ERC2: variants seen among roughly 807,000 people sequenced by gnomAD.
ERC2 encodes the protein ERC protein 2.
ERC2 carries 42 observed loss-of-function variants against 114.8 expected under a neutral mutation model. That is an observed-to-expected ratio of 0.37 (90% CI 0.29 to 0.47). The LOEUF (loss-of-function observed/expected upper bound fraction) is 0.47, where lower values mean the gene tolerates loss of function less well. Ranked by LOEUF, ERC2 falls within the 20% of genes least tolerant of loss-of-function variation. The pLI is 0.99. For synonymous variants in ERC2, 454 were observed against 425.5 expected (o/e 1.07, Z -0.82); for missense variants, 939 against 1,150.7 (o/e 0.82, Z 2.66).
At chr3:56,153,383 A>C (rs971624545) in intron 4 of ERC2, among the ~76,000 whole-genome samples, 13 of 152,170 alleles carry the variant, frequency 8.5e-5, no homozygotes, top group African/African-American at 3.1e-4. Flanking sequence ...ACTCAGAACT[A>C]TTGAATCCAA....
chr3:55,910,964 G>A (rs1451615400), intron 13 of ERC2, among the ~76,000 whole-genome samples: 1 of 152,200 alleles, frequency 6.6e-6, no homozygotes, highest in East Asian at 1.9e-4. Context: ...TGCCAGGGAT[G>A]AGGGATGCAA....
At chr3:56,440,232 T>A (rs956701389) in intron 1 of ERC2, among the ~76,000 whole-genome samples, 1 of 152,196 alleles carries the variant, frequency 6.6e-6, no homozygotes, top group Non-Finnish European at 1.5e-5. Context: ...CCTGAAATGT[T>A]TCGTAGAACA....
intron 17 of ERC2, among the ~76,000 whole-genome samples, chr3:55,584,923 A>G (rs1032086150): frequency 6.6e-6 from 1 of 152,222 alleles, no homozygotes; most frequent in Non-Finnish European, 1.5e-5. Context: ...CTCAGAGTCA[A>G]TGGACAACGA....
At chr3:55,874,019 T>C (rs545285877) in intron 14 of ERC2, among the ~76,000 whole-genome samples, 1 of 152,226 alleles carries the variant, frequency 6.6e-6, no homozygotes, top group Non-Finnish European at 1.5e-5. Flanking sequence ...AGTCAGTGAC[T>C]AAACAAATGA....
intron 2 of ERC2, among the ~76,000 whole-genome samples, chr3:56,407,290 C>T (rs2060766656): frequency 6.6e-6 from 1 of 152,110 alleles, no homozygotes; most frequent in Non-Finnish European, 1.5e-5. Flanking sequence ...AGGAGGGAGG[C>T]CCCAGACTTC....
At chr3:55,660,190 T>C (rs750475594) in intron 17 of ERC2, among the ~76,000 whole-genome samples, 2 of 152,186 alleles carry the variant, frequency 1.3e-5, no homozygotes, top group Non-Finnish European at 2.9e-5. Context: ...ACAATTTCTG[T>C]ACATGCAACT....
intron 12 of ERC2, among the ~76,000 whole-genome samples, chr3:55,963,767 T>C (rs1201870073): frequency 6.6e-6 from 1 of 152,084 alleles, no homozygotes; most frequent in Non-Finnish European, 1.5e-5. Context: ...TTTGGAGCAA[T>C]ATAAAAACAT....
At chr3:55,664,202 G>A (rs902506430) in intron 17 of ERC2, among the ~76,000 whole-genome samples, 1 of 151,956 alleles carries the variant, frequency 6.6e-6, no homozygotes, top group Non-Finnish European at 1.5e-5. Flanking sequence ...TGTTAGAAAC[G>A]TAAAATCTCA....
At chr3:55,976,961 C>T (rs1199921298) in intron 12 of ERC2, among the ~76,000 whole-genome samples, 1 of 152,148 alleles carries the variant, frequency 6.6e-6, no homozygotes, top group East Asian at 1.9e-4. Flanking sequence ...TAAAAGAAGT[C>T]AAAGGGAGCC....
intron 17 of ERC2, among the ~76,000 whole-genome samples, chr3:55,573,411 C>A (rs1041317938): frequency 2.0e-5 from 3 of 152,100 alleles, no homozygotes; most frequent in African/African-American, 7.2e-5. Flanking sequence ...TTAAGATTCA[C>A]TTTTCTTTTT....
intron 14 of ERC2, among the ~76,000 whole-genome samples, chr3:55,774,570 T>C (rs1248201484): frequency 1.3e-5 from 2 of 152,238 alleles, no homozygotes; most frequent in Non-Finnish European, 2.9e-5. Flanking sequence ...GAGGCATTTG[T>C]ATTCATTCTG....
intron 14 of ERC2, among the ~76,000 whole-genome samples, chr3:55,848,197 T>C (rs565919953): frequency 3.3e-5 from 5 of 152,346 alleles, no homozygotes; most frequent in Admixed American, 6.5e-5. Context: ...TATTTATGCA[T>C]CATCTGAAGC....
At chr3:56,158,371 C>A (rs905800676) in intron 4 of ERC2, among the ~76,000 whole-genome samples, 4 of 152,188 alleles carry the variant, frequency 2.6e-5, no homozygotes, top group East Asian at 1.9e-4. Flanking sequence ...TTTCAACATG[C>A]AAACTATGTG....
At chr3:56,005,174 A>G (rs2072383621) in intron 10 of ERC2, among the ~76,000 whole-genome samples, 1 of 152,126 alleles carries the variant, frequency 6.6e-6, no homozygotes, top group Admixed American at 6.6e-5. Context: ...TTTAGGAGAT[A>G]GTATAAGCAA....
chr3:56,179,149 C>T (rs6788949), intron 3 of ERC2, among the ~76,000 whole-genome samples: 14,242 of 151,906 alleles, frequency 0.094, 919 homozygotes, highest in African/African-American at 0.16. Context: ...GTCGTGGTGG[C>T]ATGCAGCCCA....
At chr3:55,699,063 A>G (rs1365360504) in intron 16 of ERC2, among the ~76,000 whole-genome samples, 3 of 151,962 alleles carry the variant, frequency 2.0e-5, no homozygotes, top group Non-Finnish European at 4.4e-5. Flanking sequence ...TTCTCTTAAA[A>G]CTCTGAAAGA....
intron 2 of ERC2, among the ~76,000 whole-genome samples, chr3:56,398,020 T>C (rs1339563766): frequency 6.6e-6 from 1 of 152,220 alleles, no homozygotes; most frequent in Non-Finnish European, 1.5e-5. Context: ...ATCTGAGTTA[T>C]ATGGGCATAC....
In ERC2 at chr3:56,226,569, C is replaced by A. The variant is rs184847437; in HGVS notation, c.1075-53049G>T. On this transcript the variant is annotated intron_variant, in intron 3 of 17. Transcript: ENST00000288221. ...ACCTCATCTCTCTCTGTCTCTCTCTCTATATATATACATAAAAAGACAGGA... is the reference window on the plus strand; with the variant it reads ...ACCTCATCTCTCTCTGTCTCTCTCTATATATATATACATAAAAAGACAGGA... Among the ~76,000 whole-genome samples the A allele has an allele frequency of 2.4e-3, 368 of 152,008 alleles. 2 individuals are homozygous for A. The highest frequency in any genetic ancestry group is 9.3e-3 in the East Asian group (48 of 5,162).
At position 56,120,285 on chromosome 3, in the gene ERC2, G is replaced by A. The variant is rs183669473; in HGVS notation, c.1473+19224C>T. Reference sequence around the variant, plus strand: ...CTCCAGTTATGACAGTTCCCGCTCAGCCAGTTTCTCTGATTTATGAAACCC... The same window carrying A: ...CTCCAGTTATGACAGTTCCCGCTCAACCAGTTTCTCTGATTTATGAAACCC... On this transcript the variant is annotated intron_variant, in intron 6 of 17. Transcript: ENST00000288221. Among the ~76,000 whole-genome samples, 796 of 152,242 alleles carry A rather than the reference G, an allele frequency of 5.2e-3. 4 individuals are homozygous for A. The highest frequency in any genetic ancestry group is 0.017 in the African/African-American group (725 of 41,530).
Sources: allele counts gnomAD v4.1 joint callset (sites outside exome capture counted in the v4.1 genomes callset), GRCh38; gene constraint gnomAD v4.1.1; transcripts MANE v1.5; gene names NCBI Gene and HGNC (gene_info 2026-07-23, HGNC 2026-07-21).